CUBN: variants seen among roughly 807,000 people sequenced by gnomAD.
CUBN encodes cubilin.
A neutral mutation model predicts 405.3 loss-of-function variants in CUBN; 282 were observed. The observed-to-expected ratio is 0.70, with a 90% CI of 0.63 to 0.77. The LOEUF (loss-of-function observed/expected upper bound fraction) is 0.77, where lower values mean the gene tolerates loss of function less well. Among genes scored for constraint, CUBN ranks in the 30% least tolerant of loss-of-function variants. The pLI, the probability that CUBN is intolerant of heterozygous loss-of-function variation, is 0.00. For missense variants in CUBN, 4,514 were observed against 4,475.2 expected, an observed-to-expected ratio of 1.01 and a Z score of -0.25; for synonymous variants, 1,684 against 1,617.0, an observed-to-expected ratio of 1.04 and a Z score of -0.99.
chr10:17,106,460 G>A (rs552358320), intron 10 of CUBN, among the ~76,000 whole-genome samples: 19 of 150,714 alleles, frequency 1.3e-4, no homozygotes, highest in Admixed American at 4.0e-4. Context: ...AACAATTAGC[G>A]GGGCATGGTG....
intron 45 of CUBN, among the ~76,000 whole-genome samples, chr10:16,917,923 G>A (rs56130342): frequency 0.054 from 8,241 of 151,860 alleles, 327 homozygotes; most frequent in Non-Finnish European, 0.086. Context: ...TTATAGTTTC[G>A]TGTTTTACAG....
At chr10:16,865,313 G>A (rs1050977146) in intron 59 of CUBN, among the ~76,000 whole-genome samples, 1 of 152,042 alleles carries the variant, frequency 6.6e-6, no homozygotes, top group African/African-American at 2.4e-5. Context: ...AATTCATTCT[G>A]TCCTTGTTAT....
chr10:16,989,326 C>A (rs936285139), intron 29 of CUBN, among the ~76,000 whole-genome samples: 2 of 148,426 alleles, frequency 1.3e-5, no homozygotes, highest in Non-Finnish European at 3.0e-5. Context: ...TATATACTTA[C>A]ATTAAAATAT....
intron 56 of CUBN, among the ~76,000 whole-genome samples, chr10:16,883,871 T>G (rs1278722092): frequency 6.6e-6 from 1 of 152,236 alleles, no homozygotes; most frequent in Non-Finnish European, 1.5e-5. Context: ...ACACTGAGTT[T>G]ACAGTTTACG....
chr10:17,015,206 A>C (rs1033953270), intron 28 of CUBN, among the ~76,000 whole-genome samples: 2 of 152,202 alleles, frequency 1.3e-5, no homozygotes, highest in African/African-American at 4.8e-5. Flanking sequence ...TTGATAAGGA[A>C]AAGTGGTGGG....
In CUBN at chr10:17,045,026, C is replaced by A; in HGVS notation, c.3653G>T (p.Cys1218Phe). 6.2e-7 allele frequency: 1 copy of A among 1,613,922 alleles called. No homozygotes were observed. The highest frequency in any genetic ancestry group is 8.5e-7 in the Non-Finnish European group (1 of 1,179,950). ...ACATACAGCCAGGTAATCTAAAGTGCAGTTTGGATGATGCTCCAAGTGAAA... is the reference window on the plus strand; with the variant it reads ...ACATACAGCCAGGTAATCTAAAGTGAAGTTTGGATGATGCTCCAAGTGAAA... ...KDFHLEHHPN[C>F]TLDYLAVYDG... Residue 1218 changes from cysteine to phenylalanine, a missense_variant, in exon 25 of 67, where the codon TGC becomes TTC. Coordinates refer to ENST00000377833, the MANE Select transcript of CUBN (RefSeq NM_001081.4).
chr10:17,017,043 T>C lies in CUBN; in HGVS notation c.4168+2790A>G, dbSNP rs151035384. On this transcript the variant is annotated intron_variant, in intron 28 of 66. Transcript: ENST00000377833. ...GTGCAGAAAAAAATGAGCCACCTCTTTTTCAGGGTTTGCGGGTCAAATTGG... is the reference window on the plus strand; with the variant it reads ...GTGCAGAAAAAAATGAGCCACCTCTCTTTCAGGGTTTGCGGGTCAAATTGG... Among the ~76,000 whole-genome samples, 341 of 152,288 alleles carry C rather than the reference T, an allele frequency of 2.2e-3. 1 individual carries two copies. Among genetic ancestry groups the C allele is most frequent in the Non-Finnish European group, 3.0e-3 (201 of 68,024 alleles).
At chr10:16,919,011 G>GT (rs1195780457) in intron 44 of CUBN, among the ~76,000 whole-genome samples, 1 of 152,038 alleles carries the variant, frequency 6.6e-6, no homozygotes, top group Non-Finnish European at 1.5e-5. Flanking sequence ...CAAAAGACAG[G>GT]TTTTACATGT....
intron 28 of CUBN, among the ~76,000 whole-genome samples, chr10:17,018,495 G>A (rs878949258): frequency 1.5e-4 from 23 of 152,284 alleles, no homozygotes; most frequent in African/African-American, 3.9e-4. Context: ...GAATGAAGCC[G>A]CAGACCTTCG....
chr10:16,928,981 T>C (rs1842290806), intron 40 of CUBN, among the ~76,000 whole-genome samples: 1 of 126,362 alleles, frequency 7.9e-6, no homozygotes, highest in African/African-American at 3.1e-5. Flanking sequence ...CTCTGATTGC[T>C]GAAGGTCAAG....
chr10:16,939,916 T>C lies in CUBN; in HGVS notation c.5548+116A>G, dbSNP rs918485866. 30 of 945,242 alleles carry C rather than the reference T, an allele frequency of 3.2e-5. No individual in the cohort carries two copies. The African/African-American group carries it at 4.2e-4, about 13-fold the overall frequency. 58.6% of individuals were successfully genotyped at this position (945,242 alleles called of 1,614,324 possible). A position where few individuals can be genotyped will look rare whatever the true frequency, so the allele number is the denominator to read the frequency against. On this transcript the variant is annotated intron_variant, in intron 37 of 66. Coordinates refer to ENST00000377833, the MANE Select transcript of CUBN (RefSeq NM_001081.4). ...TATAAGGTAATTCACAAAGACAATGTAGGAAAATAGTGTAGAGTTTAGGAT... is the reference window on the plus strand; with the variant it reads ...TATAAGGTAATTCACAAAGACAATGCAGGAAAATAGTGTAGAGTTTAGGAT...
intron 28 of CUBN, among the ~76,000 whole-genome samples, chr10:17,000,700 C>T (rs188273310): frequency 3.9e-5 from 6 of 152,328 alleles, no homozygotes; most frequent in African/African-American, 9.6e-5. Context: ...ACTTATTGCA[C>T]GGCCTTTGAG....
chr10:16,985,429 A>G (rs1833389813), intron 29 of CUBN, among the ~76,000 whole-genome samples: 1 of 152,090 alleles, frequency 6.6e-6, no homozygotes, highest in South Asian at 2.1e-4. Context: ...ATCCATTCCA[A>G]TGACAGCTAC....
intron 22 of CUBN, among the ~76,000 whole-genome samples, chr10:17,064,529 AG>A (rs1488747863): frequency 2.6e-5 from 4 of 152,174 alleles, no homozygotes; most frequent in Non-Finnish European, 5.9e-5. Flanking sequence ...GTAATCCCAA[AG>A]CGGAGAAATG....
chr10:17,088,374 A>G (rs1303211827), intron 14 of CUBN, 29 bp from the exon 15 acceptor site: 4 of 1,546,346 alleles, frequency 2.6e-6, no homozygotes, highest in African/African-American at 1.4e-5. Flanking sequence ...ATAATGTTAC[A>G]TTTGTATAGA....
chr10:17,007,408 C>T (rs1329555889), intron 28 of CUBN, among the ~76,000 whole-genome samples: 3 of 152,154 alleles, frequency 2.0e-5, no homozygotes, highest in South Asian at 2.1e-4. Context: ...GATAAAGCCT[C>T]GTTGTAGATC....
chr10:16,851,556 A>T, intron 59 of CUBN, 113 bp from the exon 60 acceptor site: 1 of 966,180 alleles, frequency 1.0e-6, no homozygotes, highest in Non-Finnish European at 1.6e-6. Context: ...CTCTGAGAAC[A>T]TGATCAGATC....
At position 17,122,913 on chromosome 10, in the gene CUBN, G is replaced by A; in HGVS notation, c.490-15C>T. On this transcript the variant is annotated splice_polypyrimidine_tract_variant and intron_variant, in intron 5 of 66. Transcript: ENST00000377833. ...CAGAGAGGACCCTGTGATCATATAA[G>A]GAACAAAGTCAGGTGCCAAAGGTCA... 1 of 1,591,578 alleles carries A rather than the reference G, an allele frequency of 6.3e-7. No individual in the cohort carries two copies. The highest frequency in any genetic ancestry group is 8.6e-7 in the Non-Finnish European group (1 of 1,159,648).
intron 33 of CUBN, 122 bp from the exon 34 acceptor site, chr10:16,950,233 A>T: frequency 1.4e-6 from 1 of 696,846 alleles, no homozygotes; most frequent in Non-Finnish European, 2.6e-6. Flanking sequence ...AATGAGTAAG[A>T]CCTGTTTGAT....
Sources: gnomAD v4.1 joint callset for allele counts (sites outside exome capture counted in the v4.1 genomes callset) on GRCh38, gnomAD v4.1.1 for gene constraint, MANE v1.5 for transcripts, NCBI Gene and HGNC (gene_info 2026-07-23, HGNC 2026-07-21) for gene names.